Variants in CCDC6 observed in about 807,000 individuals in gnomAD.
The protein encoded by CCDC6 is coiled-coil domain-containing protein 6.
A neutral mutation model predicts 56.6 loss-of-function variants in CCDC6; 20 were observed. That is an observed-to-expected ratio of 0.35 (90% CI 0.25 to 0.51). The LOEUF (loss-of-function observed/expected upper bound fraction) is 0.51, where lower values mean the gene tolerates loss of function less well. Ranked by LOEUF, CCDC6 falls within the 20% of genes least tolerant of loss-of-function variation. The pLI, the probability that CCDC6 is intolerant of heterozygous loss-of-function variation, is 0.95. For missense variants in CCDC6, 367 were observed against 601.1 expected (o/e 0.61, Z 4.07); for synonymous variants, 241 against 234.4 (o/e 1.03, Z -0.26).
chr10:59,810,058 G>A (rs12262735), intron 5 of CCDC6, among the ~76,000 whole-genome samples: 57,483 of 151,922 alleles, frequency 0.38, 10,968 homozygotes, highest in South Asian at 0.44. Context: ...TTCCAAGGAT[G>A]AGTCCTAGCC....
chr10:59,823,837 T>C (rs2070765812), intron 3 of CCDC6, among the ~76,000 whole-genome samples: 1 of 152,200 alleles, frequency 6.6e-6, no homozygotes, highest in Admixed American at 6.5e-5. Flanking sequence ...GTTTTGATCA[T>C]AAAGAAACAG....
intron 1 of CCDC6, among the ~76,000 whole-genome samples, chr10:59,856,345 T>TAAAA (rs59039796): frequency 5.1e-5 from 7 of 137,628 alleles, no homozygotes; most frequent in Non-Finnish European, 9.5e-5. Context: ...CAGCCTTAGG[T>TAAAA]AAAAAAAAAA....
At chr10:59,854,832 C>T (rs759183526) in intron 1 of CCDC6, among the ~76,000 whole-genome samples, 1 of 152,118 alleles carries the variant, frequency 6.6e-6, no homozygotes, top group Non-Finnish European at 1.5e-5. Flanking sequence ...TGGTTTTGAC[C>T]GACAAAGTCC....
chr10:59,810,884 A>G (rs755065242), intron 5 of CCDC6, among the ~76,000 whole-genome samples: 3 of 152,136 alleles, frequency 2.0e-5, no homozygotes, highest in Non-Finnish European at 4.4e-5. Flanking sequence ...ATCCTAGATT[A>G]TCACAGTGGG....
At chr10:59,870,406 C>T (rs908265099) in intron 1 of CCDC6, among the ~76,000 whole-genome samples, 30 of 152,270 alleles carry the variant, frequency 2.0e-4, no homozygotes, top group African/African-American at 6.5e-4. Flanking sequence ...TTTCACACCC[C>T]CACATCCACT....
chr10:59,795,108 G>C (rs146415303), intron 7 of CCDC6, among the ~76,000 whole-genome samples: 5 of 151,504 alleles, frequency 3.3e-5, no homozygotes, highest in African/African-American at 1.2e-4. Context: ...AAACAAATAC[G>C]TGGGACTACA....
At chr10:59,850,083 A>C (rs1467223829) in intron 2 of CCDC6, among the ~76,000 whole-genome samples, 1 of 152,214 alleles carries the variant, frequency 6.6e-6, no homozygotes, top group Non-Finnish European at 1.5e-5. Context: ...TGGTGTCTAA[A>C]GCAACAGATC....
chr10:59,874,730 G>A (rs111264580), intron 1 of CCDC6, among the ~76,000 whole-genome samples: 2,283 of 65,842 alleles, frequency 0.035, 34 homozygotes, highest in Middle Eastern at 0.052. Context: ...GAAAATGGAG[G>A]CAGAGAAGAG....
intron 1 of CCDC6, among the ~76,000 whole-genome samples, chr10:59,876,588 GGAA>G (rs1232521526): frequency 2.5e-5 from 3 of 120,722 alleles, no homozygotes; most frequent in African/African-American, 7.7e-5. Flanking sequence ...CTGTTAAGGG[GGAA>G]AAAAAAAAAA....
chr10:59,898,149 C>T (rs191061056), intron 1 of CCDC6, among the ~76,000 whole-genome samples: 24 of 152,192 alleles, frequency 1.6e-4, no homozygotes, highest in African/African-American at 5.1e-4. Context: ...TGAGAAATTC[C>T]GTCCATCCAC....
At chr10:59,813,735 G>T (rs950093211) in intron 4 of CCDC6, among the ~76,000 whole-genome samples, 1 of 152,106 alleles carries the variant, frequency 6.6e-6, no homozygotes, top group Non-Finnish European at 1.5e-5. Context: ...CAACTTATTA[G>T]TACTGCTACA....
chr10:59,849,575 T>G (rs1244707081), intron 2 of CCDC6, among the ~76,000 whole-genome samples: 1 of 152,182 alleles, frequency 6.6e-6, no homozygotes, highest in East Asian at 1.9e-4. Context: ...ATAAAAGCAT[T>G]GTCCAATCAC....
chr10:59,804,131 T>C (rs1421865104), intron 7 of CCDC6, among the ~76,000 whole-genome samples: 5 of 151,690 alleles, frequency 3.3e-5, no homozygotes, highest in Admixed American at 1.3e-4. Context: ...GCACTTAAAA[T>C]CATAGTCAAA....
intron 1 of CCDC6, among the ~76,000 whole-genome samples, chr10:59,869,899 C>T (rs1246662856): frequency 6.6e-6 from 1 of 152,196 alleles, no homozygotes; most frequent in East Asian, 1.9e-4. Context: ...ATGCCACACT[C>T]ATGATCCCTG....
Position 59,792,585 on chromosome 10 carries a change from TA to T in CCDC6, c.*331del, listed in dbSNP as rs776347000. On this transcript the variant is annotated 3_prime_UTR_variant, in exon 9 of 9. Coordinates refer to ENST00000263102, the MANE Select transcript of CCDC6 (RefSeq NM_005436.5). The stretch of plus-strand genomic sequence containing the variant: ...GATATCCCTTTTTCTTTTACAAACC[TA>T]AAAGCCAGGAGAATGAAGCTCTGGG... The T allele has an allele frequency of 3.1e-6, 2 of 642,054 alleles. No individual in the cohort carries two copies. The highest frequency in any genetic ancestry group is 3.5e-5 in the African/African-American group (2 of 57,064). 39.8% of individuals were successfully genotyped at this position (642,054 alleles called of 1,614,324 possible). A position where few individuals can be genotyped will look rare whatever the true frequency, so the allele number is the denominator to read the frequency against.
In CCDC6 at chr10:59,818,500, G is replaced by C. The variant is rs376676049; in HGVS notation, c.583-3745C>G. On this transcript the variant is annotated intron_variant, in intron 3 of 8. Coordinates refer to ENST00000263102, the MANE Select transcript of CCDC6 (RefSeq NM_005436.5). Reference sequence around the variant, plus strand: ...TCCTTTTATTATAATGTTGACGGGGGGGGGGGAAGCAGATTCTCAGTGGGG... The same window carrying C: ...TCCTTTTATTATAATGTTGACGGGGCGGGGGGAAGCAGATTCTCAGTGGGG... Among the ~76,000 whole-genome samples the C allele has an allele frequency of 1.3e-3, 187 of 142,144 alleles. 15 individuals carry two copies. Among genetic ancestry groups the C allele is most frequent in the African/African-American group, 3.8e-3 (147 of 39,064 alleles). 93.3% of individuals were successfully genotyped at this position (142,144 alleles called of 152,430 possible). A position where few individuals can be genotyped will look rare whatever the true frequency, so the allele number is the denominator to read the frequency against.
intron 2 of CCDC6, among the ~76,000 whole-genome samples, chr10:59,850,316 C>T (rs1319678982): frequency 6.6e-6 from 1 of 151,876 alleles, no homozygotes; most frequent in Non-Finnish European, 1.5e-5. Context: ...ATTGTACACT[C>T]AAAAATGGCT....
intron 1 of CCDC6, among the ~76,000 whole-genome samples, chr10:59,877,882 A>G (rs1449923891): frequency 6.6e-6 from 1 of 152,256 alleles, no homozygotes; most frequent in Admixed American, 6.5e-5. Context: ...ATACAATGAG[A>G]AAGTAAAATT....
intron 1 of CCDC6, among the ~76,000 whole-genome samples, chr10:59,884,076 A>C (rs905635125): frequency 6.6e-6 from 1 of 152,234 alleles, no homozygotes; most frequent in Non-Finnish European, 1.5e-5. Flanking sequence ...TACTAAGAGA[A>C]GCATTTGGTA....
Sources: gnomAD v4.1 joint callset for allele counts (sites outside exome capture counted in the v4.1 genomes callset) on GRCh38, gnomAD v4.1.1 for gene constraint, MANE v1.5 for transcripts, NCBI Gene and HGNC (gene_info 2026-07-23, HGNC 2026-07-21) for gene names.